CLASP2: variants seen among roughly 807,000 people sequenced by gnomAD.
The protein encoded by CLASP2 is cytoplasmic linker associated protein 2.
A neutral mutation model predicts 194.4 loss-of-function variants in CLASP2; 47 were observed. The observed-to-expected ratio is 0.24, with a 90% CI of 0.19 to 0.31. The LOEUF (loss-of-function observed/expected upper bound fraction) is 0.31. CLASP2 is among the 10% of genes least tolerant of loss of function. The pLI is 1.00. For synonymous variants in CLASP2, 619 were observed against 633.5 expected (o/e 0.98, Z 0.34); for missense variants, 1,445 against 1,823.6 (o/e 0.79, Z 3.78).
intron 8 of CLASP2, among the ~76,000 whole-genome samples, chr3:33,633,211 C>T (rs1038188385): frequency 2.6e-5 from 4 of 152,182 alleles, no homozygotes; most frequent in African/African-American, 7.2e-5. Flanking sequence ...AACTAGCCTC[C>T]ACCCTCTCCT....
chr3:33,579,990 C>T (rs533201577), intron 23 of CLASP2, among the ~76,000 whole-genome samples: 1 of 152,300 alleles, frequency 6.6e-6, no homozygotes, highest in Admixed American at 6.5e-5. Context: ...TGCACACATA[C>T]AGACATTCTG....
chr3:33,564,926 A>G (rs904800656), intron 27 of CLASP2, among the ~76,000 whole-genome samples: 1 of 152,068 alleles, frequency 6.6e-6, no homozygotes, highest in African/African-American at 2.4e-5. Context: ...TATCCTATCA[A>G]TGGTACTTAG....
intron 2 of CLASP2, among the ~76,000 whole-genome samples, chr3:33,695,087 T>C (rs1315097877): frequency 8.0e-5 from 12 of 150,406 alleles, no homozygotes; most frequent in East Asian, 1.9e-4. Context: ...TTTAAAGAGA[T>C]AGAGGTTTAC....
intron 6 of CLASP2, among the ~76,000 whole-genome samples, chr3:33,673,433 C>T (rs1464951502): frequency 2.6e-5 from 4 of 152,110 alleles, no homozygotes; most frequent in African/African-American, 9.7e-5. Context: ...AAAAGAGCTC[C>T]TGAAGGAAGC....
chr3:33,502,659 A>G (rs2047107359), intron 37 of CLASP2: 1 of 152,172 alleles, frequency 6.6e-6, no homozygotes, highest in Non-Finnish European at 1.5e-5. Context: ...TATCCATGAA[A>G]TATTTTTGAA....
At chr3:33,704,815 C>T (rs1403457369) in intron 1 of CLASP2, among the ~76,000 whole-genome samples, 2 of 151,860 alleles carry the variant, frequency 1.3e-5, no homozygotes, top group Non-Finnish European at 2.9e-5. Context: ...AGATGCTCAA[C>T]ATTATTAGTC....
At chr3:33,574,577 A>G in intron 24 of CLASP2, 5 of 729,668 alleles carry the variant, frequency 6.9e-6, no homozygotes, top group Non-Finnish European at 1.1e-5. Flanking sequence ...AATAGGCATT[A>G]ACAATGCCTA....
chr3:33,505,129 C>A (rs2047782065), intron 37 of CLASP2: 1 of 151,982 alleles, frequency 6.6e-6, no homozygotes, highest in African/African-American at 2.4e-5. Flanking sequence ...GTTTTTAAAT[C>A]TTTTCAATAG....
chr3:33,553,118 G>A (rs1230012160), intron 29 of CLASP2, among the ~76,000 whole-genome samples: 5 of 151,834 alleles, frequency 3.3e-5, no homozygotes, highest in African/African-American at 1.2e-4. Flanking sequence ...CCTTACTATC[G>A]ACTTTAATGT....
chr3:33,706,211 G>A (rs933910048), intron 1 of CLASP2, among the ~76,000 whole-genome samples: 3 of 152,054 alleles, frequency 2.0e-5, no homozygotes, highest in East Asian at 3.9e-4. Context: ...TGGTGCCACC[G>A]CACTCTAACC....
chr3:33,575,607 G>T (rs972153344), intron 24 of CLASP2, among the ~76,000 whole-genome samples: 1 of 151,974 alleles, frequency 6.6e-6, no homozygotes, highest in African/African-American at 2.4e-5. Flanking sequence ...CAAAAACAAC[G>T]ATATATGTAT....
At chr3:33,514,114 A>G (rs2050638208) in intron 36 of CLASP2, among the ~76,000 whole-genome samples, 2 of 151,970 alleles carry the variant, frequency 1.3e-5, no homozygotes, top group South Asian at 2.1e-4. Context: ...CAGCCTCCCA[A>G]ATTGGTGGGA....
intron 28 of CLASP2, 138 bp from the exon 29 acceptor site, chr3:33,559,523 CTACCTGG>C: frequency 1.6e-6 from 1 of 627,894 alleles, no homozygotes; most frequent in Non-Finnish European, 2.8e-6. Flanking sequence ...GTGGTATAAA[CTACCTGG>C]TATAGTATAC....
intron 37 of CLASP2, chr3:33,504,203 T>G (rs539331924): frequency 6.6e-6 from 1 of 152,352 alleles, no homozygotes; most frequent in East Asian, 1.9e-4. Flanking sequence ...ACCTATTTTT[T>G]ATTTATCATT....
chr3:33,629,234 T>C (rs753072362), intron 9 of CLASP2, among the ~76,000 whole-genome samples: 5 of 152,192 alleles, frequency 3.3e-5, no homozygotes, highest in Non-Finnish European at 7.4e-5. Flanking sequence ...GTGAGACTTT[T>C]GTTTTTTAAA....
At chr3:33,670,382 T>C (rs2086936923) in intron 6 of CLASP2, among the ~76,000 whole-genome samples, 2 of 152,226 alleles carry the variant, frequency 1.3e-5, no homozygotes, top group African/African-American at 4.8e-5. Flanking sequence ...ATTTGTATAC[T>C]AATGATTCGT....
chr3:33,711,526 C>G (rs567877405), intron 1 of CLASP2, among the ~76,000 whole-genome samples: 97 of 151,448 alleles, frequency 6.4e-4, no homozygotes, highest in Non-Finnish European at 1.0e-3. Flanking sequence ...TCCCAAAGTG[C>G]TGGGATTACA....
chr3:33,669,771 A>C (rs2086816516), intron 6 of CLASP2, among the ~76,000 whole-genome samples: 1 of 152,174 alleles, frequency 6.6e-6, no homozygotes, highest in African/African-American at 2.4e-5. Context: ...ACAATACAAA[A>C]TAATGGTGAA....
In CLASP2 at chr3:33,594,846, G is replaced by T; in HGVS notation, c.1966+105C>A. On this transcript the variant is annotated intron_variant, in intron 20 of 38. Transcript: ENST00000682230. ...CTTACTACAACTGGCAAATTATAAA[G>T]AGTTGCAAAGAAATTAGCCTATTTT... 5.5e-6 allele frequency: 3 copies of T among 547,324 alleles called. No individual in the cohort carries two copies. In the East Asian group the frequency reaches 1.1e-4, roughly 19 times the overall value. 33.9% of individuals were successfully genotyped at this position (547,324 alleles called of 1,614,324 possible).
Sources: gnomAD v4.1 joint callset for allele counts (sites outside exome capture counted in the v4.1 genomes callset) on GRCh38, gnomAD v4.1.1 for gene constraint, MANE v1.5 for transcripts, NCBI Gene and HGNC (gene_info 2026-07-23, HGNC 2026-07-21) for gene names.